Variants in KDM4B observed in about 807,000 individuals in gnomAD.
KDM4B encodes the protein lysine demethylase 4B.
In KDM4B, 32 loss-of-function variants were observed where a neutral mutation model predicts 125.2. The observed-to-expected ratio is 0.26, with a 90% confidence interval of 0.19 to 0.34. KDM4B has a LOEUF of 0.34. Ranked by LOEUF, KDM4B falls within the 10% of genes least tolerant of loss-of-function variation. KDM4B has a pLI of 1.00. For synonymous variants in KDM4B, 721 were observed against 677.9 expected, an observed-to-expected ratio of 1.06 and a Z score of -0.99; for missense variants, 1,190 against 1,577.7, an observed-to-expected ratio of 0.75 and a Z score of 4.16.
chr19:5,116,905 C>G (rs918888433), intron 10 of KDM4B, among the ~76,000 whole-genome samples: 6 of 152,288 alleles, frequency 3.9e-5, no homozygotes, highest in East Asian at 1.9e-4. Context: ...ACACCTGTGC[C>G]GGGAGCCAGA....
chr19:4,981,279 C>T (rs775612369), intron 1 of KDM4B, among the ~76,000 whole-genome samples: 12 of 152,088 alleles, frequency 7.9e-5, no homozygotes, highest in Non-Finnish European at 1.6e-4. Flanking sequence ...CCCCTGAGTC[C>T]ACCACACCAG....
At chr19:5,143,932 G>A (rs774186879) in intron 18 of KDM4B, 35 bp from the exon 19 acceptor site, 10 of 1,527,836 alleles carry the variant, frequency 6.5e-6, no homozygotes, top group African/African-American at 2.8e-5. Flanking sequence ...AGGGAAGCTC[G>A]AGCCCCATGC....
intron 2 of KDM4B, among the ~76,000 whole-genome samples, chr19:5,032,578 G>A (rs914605276): frequency 6.6e-6 from 1 of 152,182 alleles, no homozygotes; most frequent in Non-Finnish European, 1.5e-5. Flanking sequence ...CTTTCTCTCC[G>A]AGGCCCCGCT....
intron 1 of KDM4B, among the ~76,000 whole-genome samples, chr19:4,976,608 G>A (rs577876559): frequency 4.6e-5 from 7 of 152,262 alleles, no homozygotes; most frequent in South Asian, 4.2e-4. Flanking sequence ...AACTCTCCTC[G>A]TTACCAGTGC....
At chr19:5,138,358 C>T (rs2146083661) in intron 18 of KDM4B, 1 of 433,260 alleles carries the variant, frequency 2.3e-6, no homozygotes, top group South Asian at 2.9e-5. Flanking sequence ...AATCGAGCAC[C>T]CCATGCAGTT....
chr19:5,108,464 C>T (rs935465529), intron 9 of KDM4B, among the ~76,000 whole-genome samples: 15 of 152,136 alleles, frequency 9.9e-5, no homozygotes, highest in Non-Finnish European at 1.6e-4. Context: ...GGTTCCATGG[C>T]CCCCCTGGGA....
chr19:5,069,687 C>T (rs1449796301), intron 6 of KDM4B, among the ~76,000 whole-genome samples: 3 of 152,194 alleles, frequency 2.0e-5, no homozygotes, highest in African/African-American at 7.2e-5. Flanking sequence ...CATCTTGGCT[C>T]ACTGCAGCCT....
chr19:5,138,040 C>A lies in KDM4B; in HGVS notation c.2520C>A (p.Ile840=), dbSNP rs892751940. 1.9e-6 allele frequency: 3 copies of A among 1,612,538 alleles called. No individual in the cohort carries two copies. The highest frequency in any genetic ancestry group is 2.5e-6 in the Non-Finnish European group (3 of 1,179,838). Residue 840 remains isoleucine (I), a synonymous_variant, in exon 18 of 23, where the codon ATC becomes ATA. Transcript: ENST00000159111. ...TGATTGAGCGCCACCCTGTGGACAT[C>A]AGCGCCATCCCCGAGCAGCGGTGGA... is the stretch of plus-strand genomic sequence containing the variant. ...LNVIERHPVD[I]SAIPEQRWKL...
chr19:5,147,260 C>A (rs570304556), intron 21 of KDM4B, among the ~76,000 whole-genome samples: 14 of 152,360 alleles, frequency 9.2e-5, no homozygotes, highest in Admixed American at 6.5e-4. Context: ...CAGAGCACAA[C>A]TGTGGTGGAA....
At chr19:5,084,566 A>C (rs961309284) in intron 9 of KDM4B, among the ~76,000 whole-genome samples, 2 of 126,808 alleles carry the variant, frequency 1.6e-5, no homozygotes, top group Admixed American at 8.1e-5. Context: ...AAATTATATA[A>C]ATTATATGTA....
At chr19:5,040,139 C>T in intron 4 of KDM4B, 128 bp downstream of exon 4, 2 of 1,073,908 alleles carry the variant, frequency 1.9e-6, no homozygotes, top group East Asian at 2.6e-5. Context: ...TCTGTGTGCC[C>T]CGTGTGGGCT....
Position 5,081,624 on chromosome 19 carries a change from T to C in KDM4B, c.781-743T>C, listed in dbSNP as rs1490831064. On this transcript the variant is annotated intron_variant, in intron 8 of 22. Transcript: ENST00000159111. The surrounding 1 kb of genome is among the most constrained non-coding windows in gnomAD (Gnocchi z 4.2). ...ATGGGCCGAACATCCGAATTGGACC[T>C]GGGTCTGGAAGCATTGGCCCGCTCT... is the stretch of plus-strand genomic sequence containing the variant. Among the ~76,000 whole-genome samples, 1 of 152,146 alleles carries C rather than the reference T, an allele frequency of 6.6e-6. No individual in the cohort carries two copies. The highest frequency in any genetic ancestry group is 1.5e-5 in the Non-Finnish European group (1 of 68,016).
At chr19:5,136,405 G>T (rs917429619) in intron 15 of KDM4B, among the ~76,000 whole-genome samples, 12 of 152,192 alleles carry the variant, frequency 7.9e-5, no homozygotes, top group Non-Finnish European at 1.8e-4. Context: ...CTCTGGAGAC[G>T]TTTAATTTTC....
chr19:5,059,656 T>A (rs1036876014), intron 6 of KDM4B, among the ~76,000 whole-genome samples: 3 of 152,192 alleles, frequency 2.0e-5, no homozygotes, highest in Admixed American at 6.5e-5. Context: ...GCTAGTCCCA[T>A]CATTACACGC....
intron 6 of KDM4B, among the ~76,000 whole-genome samples, chr19:5,053,411 G>A (rs1327717654): frequency 6.6e-6 from 1 of 152,238 alleles, no homozygotes; most frequent in Admixed American, 6.5e-5. Flanking sequence ...AAATAGAAAA[G>A]GAAGAAGCGG....
chr19:5,097,959 GC>G (rs2038860457), intron 9 of KDM4B, among the ~76,000 whole-genome samples: 1 of 152,218 alleles, frequency 6.6e-6, no homozygotes, highest in South Asian at 2.1e-4. Flanking sequence ...CATGGGGGGC[GC>G]AAATGTCAGT....
rs1405295458 is a variant in KDM4B, at chr19:5,151,411, G to A, written c.3191G>A (p.Gly1064Asp). The A allele has an allele frequency of 2.5e-6, 4 of 1,578,700 alleles. No individual in the cohort carries two copies. The highest frequency in any genetic ancestry group is 2.3e-5 in the South Asian group (2 of 86,250). The change falls in exon 23 of 23, where the codon GGC becomes GAC. Residue 1064 changes from glycine to aspartate, a missense_variant. By Grantham distance (94) the Gly-to-Asp change is moderately conservative. Transcript: ENST00000159111. ...EAKAAKRPRV[G>D]TPLATEDSGR... Reference sequence around the variant, plus strand: ...AAGGCCGCCAAGCGCCCGCGTGTGGGCACCCCGCTTGCCACGGAGGACTCC... The same window carrying A: ...AAGGCCGCCAAGCGCCCGCGTGTGGACACCCCGCTTGCCACGGAGGACTCC...
At position 5,144,800 on chromosome 19, in the gene KDM4B, G is replaced by C. The variant is rs2039812634; in HGVS notation, c.2919G>C (p.Gln973His). ...PESITSRDCVQLGPPSEGELV... is the reference protein window; with the variant it reads ...PESITSRDCVHLGPPSEGELV... ...CCCTGCAGAGTAGGGACTGTGTCCA[G>C]CTGGGACCCCCTTCCGAGGGGGAGC... The change falls in exon 21 of 23, where the codon CAG becomes CAC. Residue 973 changes from glutamine to histidine, a missense_variant. Around this residue, in one of 7 missense-constraint regions of KDM4B, gnomAD observed 298 missense variants for 439.7 expected, o/e 0.68. Coordinates refer to ENST00000159111, the MANE Select transcript of KDM4B (RefSeq NM_015015.3). 6.2e-7 allele frequency: 1 copy of C among 1,613,374 alleles called. No homozygotes were observed. The highest frequency in any genetic ancestry group is 8.5e-7 in the Non-Finnish European group (1 of 1,179,918).
chr19:5,040,143 G>GTT, intron 4 of KDM4B, 132 bp downstream of exon 4: 1 of 1,029,298 alleles, frequency 9.7e-7, no homozygotes. Flanking sequence ...TGTGCCCCGT[G>GTT]TGGGCTGTGG....
Sources: allele counts gnomAD v4.1 joint callset (sites outside exome capture counted in the v4.1 genomes callset), GRCh38; gene constraint gnomAD v4.1.1; regional missense constraint gnomAD v4.1.1; non-coding constraint Gnocchi (gnomAD v3.1); transcripts MANE v1.5; gene names NCBI Gene and HGNC (gene_info 2026-07-23, HGNC 2026-07-21).